Variants in CACNA2D3 observed in about 807,000 individuals in gnomAD.
CACNA2D3 encodes voltage-dependent calcium channel subunit alpha-2/delta-3.
A neutral mutation model predicts 160.6 loss-of-function variants in CACNA2D3; 60 were observed. The ratio of observed to expected loss-of-function variants is 0.37; its 90% CI spans 0.30 to 0.46. The LOEUF (loss-of-function observed/expected upper bound fraction) is 0.46. CACNA2D3 is among the 20% of genes least tolerant of loss of function. The probability of loss-of-function intolerance (pLI) is 1.00; values close to 1 mark genes in which losing one functional copy is unlikely to be tolerated. For synonymous variants in CACNA2D3, 558 were observed against 492.9 expected (o/e 1.13, Z -1.75); for missense variants, 1,205 against 1,365.0 (o/e 0.88, Z 1.85).
chr3:54,127,475 C>T (rs7610185), intron 2 of CACNA2D3, among the ~76,000 whole-genome samples: 59,080 of 151,704 alleles, frequency 0.39, 11,680 homozygotes, highest in East Asian at 0.6. Flanking sequence ...TTTTAAATAA[C>T]TGAATAGGTG....
chr3:54,891,309 C>G (rs774104438), intron 24 of CACNA2D3, 46 bp from the exon 25 acceptor site: 1 of 1,297,926 alleles, frequency 7.7e-7, no homozygotes, highest in East Asian at 2.4e-5. Flanking sequence ...GTATTATCTG[C>G]TTACTGTCTA....
chr3:54,749,542 G>C (rs928033038), intron 11 of CACNA2D3, among the ~76,000 whole-genome samples: 4 of 152,010 alleles, frequency 2.6e-5, no homozygotes, highest in African/African-American at 7.2e-5. Flanking sequence ...AAATGCCTGA[G>C]GGTGGAATTA....
At chr3:54,214,927 C>T (rs569452744) in intron 2 of CACNA2D3, among the ~76,000 whole-genome samples, 1 of 152,294 alleles carries the variant, frequency 6.6e-6, no homozygotes, top group Admixed American at 6.5e-5. Flanking sequence ...TGGAGTCTTT[C>T]CAGTAAGCCT....
chr3:54,559,146 A>G (rs1702285189), intron 5 of CACNA2D3, among the ~76,000 whole-genome samples: 1 of 152,136 alleles, frequency 6.6e-6, no homozygotes, highest in South Asian at 2.1e-4. Context: ...ATGTGGCATC[A>G]TTTTGAAACA....
At chr3:54,488,021 C>G (rs2106913849) in intron 4 of CACNA2D3, among the ~76,000 whole-genome samples, 1 of 152,324 alleles carries the variant, frequency 6.6e-6, no homozygotes, top group South Asian at 2.1e-4. Context: ...GTGCTAAGAC[C>G]TGAAGCCACC....
chr3:54,725,976 T>C (rs1257366827), intron 11 of CACNA2D3, among the ~76,000 whole-genome samples: 1 of 152,136 alleles, frequency 6.6e-6, no homozygotes, highest in Non-Finnish European at 1.5e-5. Context: ...TCAAATGGTC[T>C]CTGTTTGCAG....
chr3:54,373,326 G>A (rs112211587), intron 3 of CACNA2D3, among the ~76,000 whole-genome samples: 116 of 152,296 alleles, frequency 7.6e-4, no homozygotes, highest in African/African-American at 2.6e-3. Context: ...AAGTAAATAA[G>A]CCCGCTTGGT....
At chr3:54,654,090 A>G (rs1458329318) in intron 11 of CACNA2D3, among the ~76,000 whole-genome samples, 1 of 152,164 alleles carries the variant, frequency 6.6e-6, no homozygotes, top group Non-Finnish European at 1.5e-5. Flanking sequence ...GCCCACAGCA[A>G]TGAAACTGGA....
At chr3:54,208,246 C>T (rs917592122) in intron 2 of CACNA2D3, among the ~76,000 whole-genome samples, 10 of 152,174 alleles carry the variant, frequency 6.6e-5, no homozygotes, top group African/African-American at 2.4e-4. Context: ...GCTGGGATTA[C>T]AGGCTTCTGC....
intron 2 of CACNA2D3, among the ~76,000 whole-genome samples, chr3:54,265,646 G>A (rs556628064): frequency 9.5e-5 from 14 of 146,848 alleles, no homozygotes; most frequent in African/African-American, 3.3e-4. Context: ...TATATAGTGT[G>A]TATATATATA....
chr3:54,333,433 C>T (rs1417047533), intron 3 of CACNA2D3, among the ~76,000 whole-genome samples: 1 of 152,074 alleles, frequency 6.6e-6, no homozygotes, highest in African/African-American at 2.4e-5. Context: ...GCCATGTTCC[C>T]CACTTTTCTC....
At chr3:55,060,625 G>A (rs893264388) in intron 35 of CACNA2D3, among the ~76,000 whole-genome samples, 2 of 152,162 alleles carry the variant, frequency 1.3e-5, no homozygotes, top group African/African-American at 2.4e-5. Flanking sequence ...CTCCGTAAAT[G>A]TTAGCTATTA....
chr3:54,170,046 G>T (rs1241346080), intron 2 of CACNA2D3, among the ~76,000 whole-genome samples: 1 of 151,992 alleles, frequency 6.6e-6, no homozygotes, highest in East Asian at 1.9e-4. Flanking sequence ...AAATTAGCCA[G>T]GCGTGGTGGT....
At chr3:54,516,902 G>T (rs898731462) in intron 5 of CACNA2D3, among the ~76,000 whole-genome samples, 6 of 152,338 alleles carry the variant, frequency 3.9e-5, no homozygotes, top group African/African-American at 1.2e-4. Context: ...ATGAAGGGCT[G>T]TCTGTTGGGT....
chr3:55,057,175 T>C (rs995264877), intron 35 of CACNA2D3, among the ~76,000 whole-genome samples: 1 of 152,312 alleles, frequency 6.6e-6, no homozygotes, highest in East Asian at 1.9e-4. Context: ...TTCCTTCGTC[T>C]TCTGCCATGA....
At chr3:54,694,308 T>A (rs778856421) in intron 11 of CACNA2D3, among the ~76,000 whole-genome samples, 4 of 152,228 alleles carry the variant, frequency 2.6e-5, no homozygotes, top group Non-Finnish European at 4.4e-5. Flanking sequence ...ATAGCCTTGG[T>A]GTGTAGTAGG....
chr3:54,736,389 T>C (rs2107029437), intron 11 of CACNA2D3, among the ~76,000 whole-genome samples: 1 of 152,184 alleles, frequency 6.6e-6, no homozygotes, highest in Admixed American at 6.5e-5. Context: ...AAATTCTTTC[T>C]GCTAAATCTT....
chr3:54,134,706 G>A (rs1296173866), intron 2 of CACNA2D3, among the ~76,000 whole-genome samples: 2 of 152,236 alleles, frequency 1.3e-5, no homozygotes, highest in Non-Finnish European at 2.9e-5. Context: ...AGTGCCAGCA[G>A]GGACTGCCAG....
intron 13 of CACNA2D3, among the ~76,000 whole-genome samples, chr3:54,815,465 C>G (rs887573386): frequency 2.6e-5 from 4 of 152,130 alleles, no homozygotes; most frequent in African/African-American, 9.7e-5. Context: ...GCATTCTTCC[C>G]AGAGTAAAAA....
Sources: gnomAD v4.1 joint callset for allele counts (sites outside exome capture counted in the v4.1 genomes callset) on GRCh38, gnomAD v4.1.1 for gene constraint, MANE v1.5 for transcripts, NCBI Gene and HGNC (gene_info 2026-07-23, HGNC 2026-07-21) for gene names.